Variants in OPCML observed in about 807,000 individuals in gnomAD.
The protein encoded by OPCML is opioid-binding protein/cell adhesion molecule.
OPCML carries 13 observed loss-of-function variants against 37.8 expected under a neutral mutation model. The observed-to-expected ratio is 0.34, with a 90% CI of 0.22 to 0.55. The LOEUF (loss-of-function observed/expected upper bound fraction) is 0.55. OPCML is among the 20% of genes least tolerant of loss of function. The pLI, the probability that OPCML is intolerant of heterozygous loss-of-function variation, is 0.91. For missense variants in OPCML, 341 were observed against 435.6 expected, an observed-to-expected ratio of 0.78 and a Z score of 1.93; for synonymous variants, 176 against 168.8, an observed-to-expected ratio of 1.04 and a Z score of -0.33.
At chr11:132,444,962 AG>A (rs2096049713) in intron 4 of OPCML, among the ~76,000 whole-genome samples, 1 of 152,218 alleles carries the variant, frequency 6.6e-6, no homozygotes, top group African/African-American at 2.4e-5. Flanking sequence ...ATTGTGCTAA[AG>A]TCATTTTGGT....
chr11:132,647,307 G>A (rs1029628276), intron 3 of OPCML, among the ~76,000 whole-genome samples: 2 of 152,106 alleles, frequency 1.3e-5, no homozygotes, highest in African/African-American at 4.8e-5. Context: ...CACCCTCTGG[G>A]GTTAATTGGA....
At chr11:132,529,610 A>T (rs2096318402) in intron 3 of OPCML, among the ~76,000 whole-genome samples, 1 of 152,238 alleles carries the variant, frequency 6.6e-6, no homozygotes, top group East Asian at 1.9e-4. Flanking sequence ...CATTGCACTC[A>T]AAATGCTGAT....
intron 2 of OPCML, among the ~76,000 whole-genome samples, chr11:132,940,641 A>G (rs1443569065): frequency 6.6e-6 from 1 of 152,238 alleles, no homozygotes; most frequent in Non-Finnish European, 1.5e-5. Context: ...AGATGGGAAC[A>G]GAACTCTTCA....
intron 1 of OPCML, among the ~76,000 whole-genome samples, chr11:132,976,014 C>T (rs1946454853): frequency 6.6e-6 from 1 of 152,172 alleles, no homozygotes; most frequent in Admixed American, 6.5e-5. Context: ...TTGTGATCCG[C>T]CCACCTCGGC....
chr11:133,410,633 GTAAAAAAAAAAAAAAAAAAAA>G (rs1945627921), intron 1 of OPCML, among the ~76,000 whole-genome samples: 1 of 8,230 alleles, frequency 1.2e-4, no homozygotes, highest in Non-Finnish European at 2.7e-4. Flanking sequence ...AAGAAAAAAA[GTAAAAAAAAAAAAAAAAAAAA>G]AAAAAAAAAA....
intron 4 of OPCML, among the ~76,000 whole-genome samples, chr11:132,474,296 G>A (rs2096147594): frequency 6.6e-6 from 1 of 152,022 alleles, no homozygotes; most frequent in Admixed American, 6.6e-5. Context: ...TAATTTGCAA[G>A]GAGAAGCTAC....
At chr11:132,694,345 C>T (rs539494956) in intron 2 of OPCML, among the ~76,000 whole-genome samples, 69 of 151,866 alleles carry the variant, frequency 4.5e-4, no homozygotes, top group African/African-American at 1.6e-3. Flanking sequence ...ACTACTGGTG[C>T]GTGCCACCAC....
chr11:133,482,500 C>A (rs889954924), intron 1 of OPCML, among the ~76,000 whole-genome samples: 2 of 151,980 alleles, frequency 1.3e-5, no homozygotes, highest in Admixed American at 1.3e-4. Flanking sequence ...GGAGGGTAGG[C>A]AGTGGCCACA....
At chr11:132,664,787 A>G (rs1052038186) in intron 2 of OPCML, among the ~76,000 whole-genome samples, 7 of 152,228 alleles carry the variant, frequency 4.6e-5, no homozygotes, top group Non-Finnish European at 1.0e-4. Context: ...TATGTAAGGG[A>G]AAACTTTATG....
chr11:133,422,457 G>A, intron 1 of OPCML: 1 of 978,628 alleles, frequency 1.0e-6, no homozygotes, highest in Non-Finnish European at 1.2e-6. Flanking sequence ...GGAGTCTTGG[G>A]AGAGGAAGTC....
At chr11:133,151,554 A>T (rs1565474775) in intron 1 of OPCML, among the ~76,000 whole-genome samples, 1 of 152,174 alleles carries the variant, frequency 6.6e-6, no homozygotes, top group Admixed American at 6.5e-5. Context: ...TATAAATTTG[A>T]TCCCTGAAAA....
At chr11:132,642,836 C>A (rs1022310752) in intron 3 of OPCML, among the ~76,000 whole-genome samples, 2 of 152,196 alleles carry the variant, frequency 1.3e-5, no homozygotes, top group African/African-American at 4.8e-5. Context: ...ATTTTACATA[C>A]CTTCCTCCTA....
At chr11:132,826,371 T>C (rs1383779496) in intron 2 of OPCML, among the ~76,000 whole-genome samples, 1 of 152,234 alleles carries the variant, frequency 6.6e-6, no homozygotes, top group African/African-American at 2.4e-5. Context: ...GGGTTTCTTA[T>C]CTTCTGAACT....
chr11:133,185,922 T>C (rs1052854911), intron 1 of OPCML, among the ~76,000 whole-genome samples: 2 of 152,246 alleles, frequency 1.3e-5, no homozygotes, highest in African/African-American at 4.8e-5. Context: ...CATTAAATTC[T>C]CAGAAGATAC....
intron 3 of OPCML, among the ~76,000 whole-genome samples, chr11:132,646,088 AG>A (rs1033020065): frequency 1.4e-4 from 21 of 151,976 alleles, no homozygotes; most frequent in South Asian, 2.1e-4. Flanking sequence ...AAAGGGTGGG[AG>A]GGGGGTGAGG....
intron 1 of OPCML, among the ~76,000 whole-genome samples, chr11:133,518,423 G>A (rs944609394): frequency 6.6e-6 from 1 of 152,108 alleles, no homozygotes; most frequent in East Asian, 1.9e-4. Context: ...GCATGGATGG[G>A]TTTGTGTGTA....
intron 2 of OPCML, among the ~76,000 whole-genome samples, chr11:132,764,809 C>G (rs1201907886): frequency 6.6e-6 from 1 of 152,234 alleles, no homozygotes; most frequent in African/African-American, 2.4e-5. Context: ...TGCCTTTCCT[C>G]AGGCTCCATG....
intron 1 of OPCML, among the ~76,000 whole-genome samples, chr11:133,073,223 C>G (rs1490020156): frequency 6.6e-6 from 1 of 152,234 alleles, no homozygotes; most frequent in Non-Finnish European, 1.5e-5. Context: ...TCCCAAGTTT[C>G]CTTCAGGCAC....
intron 1 of OPCML, among the ~76,000 whole-genome samples, chr11:133,439,702 C>A (rs1221866537): frequency 6.6e-6 from 1 of 151,948 alleles, no homozygotes. Flanking sequence ...CTCCTGACTT[C>A]GTGATCCACC....
Sources: gnomAD v4.1 joint callset for allele counts (sites outside exome capture counted in the v4.1 genomes callset) on GRCh38, gnomAD v4.1.1 for gene constraint, MANE v1.5 for transcripts, NCBI Gene and HGNC (gene_info 2026-07-23, HGNC 2026-07-21) for gene names.